Variants in MIER3 observed in about 807,000 individuals in gnomAD.
MIER3 encodes MIER family member 3.
A neutral mutation model predicts 63.2 loss-of-function variants in MIER3; 9 were observed. That is an observed-to-expected ratio of 0.14 (90% CI 0.09 to 0.25). The LOEUF (loss-of-function observed/expected upper bound fraction) is 0.25, where lower values mean the gene tolerates loss of function less well. MIER3 is among the 10% of genes least tolerant of loss of function. The probability of loss-of-function intolerance (pLI) is 1.00; values close to 1 mark genes in which losing one functional copy is unlikely to be tolerated. For missense variants in MIER3, 512 were observed against 666.2 expected (o/e 0.77, Z 2.55); for synonymous variants, 205 against 224.9 (o/e 0.91, Z 0.79).
chr5:56,950,101 T>G lies in MIER3; in HGVS notation c.34+527A>C, dbSNP rs1339415050. Among the ~76,000 whole-genome samples the G allele has an allele frequency of 2.0e-5, 3 of 152,234 alleles. No individual in the cohort carries two copies. In the South Asian group the frequency reaches 6.2e-4, roughly 32 times the overall value. On this transcript the variant is annotated intron_variant, in intron 2 of 12. Transcript: ENST00000381199. ...TCAGCTCAGAAGTCAAAATCACCCT[T>G]TTTCTGTGCCAAACTTGGAAGTTCT...
At chr5:56,929,008 C>CACACACACAA (rs1750152534) in intron 9 of MIER3, 147 bp from the exon 10 acceptor site, 1 of 513,038 alleles carries the variant, frequency 1.9e-6, no homozygotes, top group African/African-American at 2.0e-5. Context: ...CACACACACT[C>CACACACACAA]TCTCTCTCTC....
intron 1 of MIER3, among the ~76,000 whole-genome samples, chr5:56,951,195 C>G (rs923116748): frequency 6.6e-6 from 1 of 152,132 alleles, no homozygotes; most frequent in Non-Finnish European, 1.5e-5. Flanking sequence ...CGCGAGCCCC[C>G]CATCCTCTCT....
At chr5:56,950,745 G>A in intron 1 of MIER3, 93 bp from the exon 2 acceptor site, 2 of 1,431,992 alleles carry the variant, frequency 1.4e-6, no homozygotes, top group East Asian at 2.4e-5. Context: ...GGAGTCGAGC[G>A]CTCCTCCGCA....
At chr5:56,952,041 G>A (rs1751055822) in intron 1 of MIER3, 53 bp downstream of exon 1, 1 of 1,254,976 alleles carries the variant, frequency 8.0e-7, no homozygotes, top group Admixed American at 3.6e-5. Context: ...GTCGCGGGGA[G>A]CCGCCGGGCG....
At chr5:56,932,230 A>AAG (rs1750294649) in intron 8 of MIER3, among the ~76,000 whole-genome samples, 1 of 152,204 alleles carries the variant, frequency 6.6e-6, no homozygotes, top group South Asian at 2.1e-4. Context: ...ACTGCACTCC[A>AAG]GCCTGGGTGA....
At chr5:56,925,387 A>T in intron 10 of MIER3, 1 of 452,116 alleles carries the variant, frequency 2.2e-6, no homozygotes, top group South Asian at 1.6e-5. Flanking sequence ...AATCGCCTGT[A>T]ACTAATAAGC....
chr5:56,922,230 G>C lies in MIER3; in HGVS notation c.*898C>G, dbSNP rs1047485709. 2.0e-5 allele frequency: 3 copies of C among 152,634 alleles called. No homozygotes were observed. The highest frequency in any genetic ancestry group is 7.2e-5 in the African/African-American group (3 of 41,468). 9.5% of individuals were successfully genotyped at this position (152,634 alleles called of 1,614,324 possible). Reference sequence around the variant, plus strand: ...CCTAGGCTTTGTAGACTGTGCCTCTGCAAGTCGACTGCCTCAGGATAAACT... The same window carrying C: ...CCTAGGCTTTGTAGACTGTGCCTCTCCAAGTCGACTGCCTCAGGATAAACT... On this transcript the variant is annotated 3_prime_UTR_variant, in exon 13 of 13. Transcript: ENST00000381199.
intron 1 of MIER3, among the ~76,000 whole-genome samples, chr5:56,951,126 C>T (rs928489213): frequency 1.3e-5 from 2 of 152,170 alleles, no homozygotes; most frequent in South Asian, 2.1e-4. Flanking sequence ...ACTCCGAAGC[C>T]GATCTCTTCC....
chr5:56,951,309 C>T (rs1751018563), intron 1 of MIER3, among the ~76,000 whole-genome samples: 1 of 152,054 alleles, frequency 6.6e-6, no homozygotes, highest in Non-Finnish European at 1.5e-5. Flanking sequence ...CCCCAGCGAG[C>T]TCCAGCCCAG....
rs939524848 is a variant in MIER3, at chr5:56,920,241, C to T, written c.*2887G>A. ...AAGTAAATTCAGCAGCTGACCATGACAAGAGGAAAACTAAACATTTAAAAA... is the reference window on the plus strand; with the variant it reads ...AAGTAAATTCAGCAGCTGACCATGATAAGAGGAAAACTAAACATTTAAAAA... On this transcript the variant is annotated 3_prime_UTR_variant, in exon 13 of 13. Transcript: ENST00000381199. 20 of 152,486 alleles carry T rather than the reference C, an allele frequency of 1.3e-4. No homozygotes were observed. The highest frequency in any genetic ancestry group is 4.8e-4 in the African/African-American group (20 of 41,428). 9.4% of individuals were successfully genotyped at this position (152,486 alleles called of 1,614,324 possible). A position where few individuals can be genotyped will look rare whatever the true frequency, so the allele number is the denominator to read the frequency against.
At chr5:56,928,005 A>G (rs1355942861) in intron 10 of MIER3, 1 of 152,102 alleles carries the variant, frequency 6.6e-6, no homozygotes, top group Non-Finnish European at 1.5e-5. Context: ...TCACTTAATA[A>G]TATGCATTTA....
chr5:56,952,045 C>T, intron 1 of MIER3, 49 bp downstream of exon 1: 3 of 1,262,762 alleles, frequency 2.4e-6, no homozygotes, highest in Non-Finnish European at 3.0e-6. Context: ...CGGGGAGCCG[C>T]CGGGCGCCCG....
At chr5:56,942,853 T>C (rs1046653136) in intron 3 of MIER3, among the ~76,000 whole-genome samples, 1 of 152,196 alleles carries the variant, frequency 6.6e-6, no homozygotes, top group Non-Finnish European at 1.5e-5. Context: ...TCAGGAATTA[T>C]TGGTGACCTG....
Position 56,935,496 on chromosome 5 carries a change from A to G in MIER3, c.527T>C (p.Ile176Thr). The change falls in exon 7 of 13, where the codon ATA (isoleucine) becomes ACA (threonine). Residue 176 changes from isoleucine (I) to threonine (T), a missense_variant. Ile to Thr is a moderately conservative substitution (Grantham distance 89, BLOSUM62 -1). Transcript: ENST00000381199. ...TGCCTGATATTGTAAACCAATCATTATTTCCTACAGGAAAATTGAGAGGTA... is the reference window on the plus strand; with the variant it reads ...TGCCTGATATTGTAAACCAATCATTGTTTCCTACAGGAAAATTGAGAGGTA... Reference protein sequence around the residue: ...GNSPEDLRKEIMIGLQYQAEI... With the variant: ...GNSPEDLRKETMIGLQYQAEI... The G allele has an allele frequency of 6.3e-7, 1 of 1,588,550 alleles. No individual in the cohort carries two copies. The highest frequency in any genetic ancestry group is 8.5e-7 in the Non-Finnish European group (1 of 1,172,100).
chr5:56,923,398 A>G lies in MIER3; in HGVS notation c.1383T>C (p.Tyr461=). ...TGTTCATAGGGTTTAGCTCCGAGTGATAAAATCCAGTCTCAAATAAATTAA... is the reference window on the plus strand; with the variant it reads ...TGTTCATAGGGTTTAGCTCCGAGTGGTAAAATCCAGTCTCAAATAAATTAA... ...DCFNLFETGF[Y]HSELNPMNMC... is the part of the protein sequence containing the mutation. The change falls in exon 13 of 13, where the codon TAT becomes TAC. Residue 461 remains tyrosine, a synonymous_variant. Coordinates refer to ENST00000381199, the MANE Select transcript of MIER3 (RefSeq NM_001297599.2). The G allele has an allele frequency of 6.2e-7, 1 of 1,614,186 alleles. No individual in the cohort carries two copies.
At chr5:56,931,918 A>C (rs1453116052) in intron 8 of MIER3, among the ~76,000 whole-genome samples, 1 of 152,172 alleles carries the variant, frequency 6.6e-6, no homozygotes, top group Admixed American at 6.5e-5. Flanking sequence ...GAAACACCTG[A>C]AAGAGTCAAG....
At chr5:56,930,798 T>TA in intron 8 of MIER3, 53 bp from the exon 9 acceptor site, 4 of 1,393,708 alleles carry the variant, frequency 2.9e-6, no homozygotes, top group Non-Finnish European at 4.1e-6. Context: ...AACAGCATTT[T>TA]AAAAAACAGG....
chr5:56,946,877 A>G, intron 3 of MIER3, 49 bp downstream of exon 3: 1 of 1,313,184 alleles, frequency 7.6e-7, no homozygotes, highest in Non-Finnish European at 1.0e-6. Flanking sequence ...AAATTACAAC[A>G]GAATTTCAAA....
At chr5:56,941,828 G>A (rs1750655819) in intron 3 of MIER3, among the ~76,000 whole-genome samples, 1 of 152,148 alleles carries the variant, frequency 6.6e-6, no homozygotes, top group Non-Finnish European at 1.5e-5. Flanking sequence ...CCTCATGCTA[G>A]GTGAGGGTAC....
Sources: allele counts gnomAD v4.1 joint callset (sites outside exome capture counted in the v4.1 genomes callset), GRCh38; gene constraint gnomAD v4.1.1; transcripts MANE v1.5; gene names NCBI Gene and HGNC (gene_info 2026-07-23, HGNC 2026-07-21).